The following ADORA2B variants were observed in gnomAD, a reference collection of about 807,000 sequenced individuals.
ADORA2B encodes the protein adenosine A2b receptor.
Under a neutral mutation model 20.8 loss-of-function variants are expected in ADORA2B, and 18 were observed. The observed-to-expected ratio is 0.87, with a 90% CI of 0.60 to 1.29. The LOEUF (loss-of-function observed/expected upper bound fraction) is 1.29, where lower values mean the gene tolerates loss of function less well. Among genes scored for constraint, ADORA2B ranks in the 50% most tolerant of loss-of-function variants. ADORA2B has a pLI of 0.00. For synonymous variants in ADORA2B, 179 were observed against 178.3 expected, an observed-to-expected ratio of 1.00 and a Z score of -0.03; for missense variants, 441 against 422.7, an observed-to-expected ratio of 1.04 and a Z score of -0.38.
chr17:15,873,089 G>A, the ADORA2B span, among the ~76,000 whole-genome samples: 1 of 152,262 alleles, frequency 6.6e-6, no homozygotes, highest in Non-Finnish European at 1.5e-5. Flanking sequence ...TTTATGCCTA[G>A]TTGTTAAGAG....
the ADORA2B span, among the ~76,000 whole-genome samples, chr17:15,891,663 G>A: frequency 2.0e-5 from 3 of 151,892 alleles, no homozygotes; most frequent in African/African-American, 7.3e-5. Flanking sequence ...GTTCCTGCAA[G>A]AATGAATGTA....
At chr17:15,855,397 G>A in the ADORA2B span, among the ~76,000 whole-genome samples, 620 of 152,096 alleles carry the variant, frequency 4.1e-3, 7 homozygotes, top group African/African-American at 0.014. Flanking sequence ...GGCCTCTTGT[G>A]TAACACTTCC....
At position 15,975,011 on chromosome 17, in the gene ADORA2B, G is replaced by A; in HGVS notation, c.668G>A (p.Arg223Lys). 2.5e-6 allele frequency: 4 copies of A among 1,614,168 alleles called. No homozygotes were observed. Among genetic ancestry groups the A allele is most frequent in the Non-Finnish European group, 3.4e-6 (4 of 1,180,034 alleles). The change falls in exon 2 of 2, where the codon AGG becomes AAG. Residue 223 changes from arginine (R) to lysine (K), a missense_variant. Arg to Lys is a conservative substitution (Grantham distance 26, BLOSUM62 2). Transcript: ENST00000304222. ...CGCACTGAGCTGATGGACCACTCGA[G>A]GACCACCCTCCAGCGGGAGATCCAT... The part of the protein sequence containing the change: ...LQRTELMDHS[R>K]TTLQREIHAA...
At chr17:15,905,243 C>A in the ADORA2B span, among the ~76,000 whole-genome samples, 1 of 149,234 alleles carries the variant, frequency 6.7e-6, no homozygotes, top group African/African-American at 2.5e-5. Context: ...AGATCCTGCA[C>A]ATATTTTGTT....
the ADORA2B span, among the ~76,000 whole-genome samples, chr17:15,862,189 T>TC: frequency 2.3e-4 from 35 of 150,036 alleles, no homozygotes; most frequent in South Asian, 4.6e-3. Context: ...CTTTTTTTTT[T>TC]CTTTTTCTTT....
intron 1 of ADORA2B, among the ~76,000 whole-genome samples, chr17:15,959,649 C>T (rs1303104674): frequency 3.3e-5 from 5 of 152,050 alleles, no homozygotes; most frequent in Admixed American, 3.3e-4. Flanking sequence ...TATAGGCGCA[C>T]GCCACCATGC....
chr17:15,914,859 GA>G, the ADORA2B span, among the ~76,000 whole-genome samples: 2 of 152,322 alleles, frequency 1.3e-5, no homozygotes, highest in African/African-American at 4.8e-5. Context: ...CTTGTGCACT[GA>G]CTTTAGATCC....
intron 1 of ADORA2B, among the ~76,000 whole-genome samples, chr17:15,949,342 G>A (rs918429838): frequency 7.9e-5 from 12 of 151,404 alleles, no homozygotes; most frequent in East Asian, 7.7e-4. Context: ...GCGAAATCCC[G>A]TCTCTACTAA....
At chr17:15,863,847 C>G in the ADORA2B span, among the ~76,000 whole-genome samples, 1 of 152,202 alleles carries the variant, frequency 6.6e-6, no homozygotes, top group African/African-American at 2.4e-5. Context: ...TCTCCCCAGA[C>G]TCATGACAGT....
At chr17:15,883,364 A>G in the ADORA2B span, among the ~76,000 whole-genome samples, 1 of 152,212 alleles carries the variant, frequency 6.6e-6, no homozygotes, top group South Asian at 2.1e-4. Context: ...AAAACTGTGT[A>G]TTAACTTATG....
chr17:15,911,157 A>G, the ADORA2B span, among the ~76,000 whole-genome samples: 1 of 152,190 alleles, frequency 6.6e-6, no homozygotes, highest in African/African-American at 2.4e-5. Flanking sequence ...TGGTCATTAT[A>G]TCACCCGCGC....
the ADORA2B span, chr17:15,860,909 A>T: frequency 6.4e-6 from 1 of 157,416 alleles, no homozygotes; most frequent in African/African-American, 2.4e-5. Flanking sequence ...GCAGACCCCC[A>T]CTCTCTGGAC....
the ADORA2B span, among the ~76,000 whole-genome samples, chr17:15,936,783 C>T: frequency 6.6e-6 from 1 of 152,134 alleles, no homozygotes; most frequent in Non-Finnish European, 1.5e-5. Context: ...AAATGAGACC[C>T]CATCTCTACA....
At chr17:15,925,130 G>A in the ADORA2B span, among the ~76,000 whole-genome samples, 1 of 152,064 alleles carries the variant, frequency 6.6e-6, no homozygotes, top group South Asian at 2.1e-4. Context: ...CCACCTCCCG[G>A]GTTCAGGTGA....
chr17:15,906,402 T>C, the ADORA2B span, among the ~76,000 whole-genome samples: 1 of 152,380 alleles, frequency 6.6e-6, no homozygotes, highest in African/African-American at 2.4e-5. Flanking sequence ...ATTAATATGA[T>C]GAATTACATT....
At chr17:15,882,807 G>A in the ADORA2B span, among the ~76,000 whole-genome samples, 10 of 152,144 alleles carry the variant, frequency 6.6e-5, no homozygotes, top group South Asian at 2.1e-4. Context: ...TTTCTTTGTC[G>A]TCTTTCCTCC....
intron 1 of ADORA2B, among the ~76,000 whole-genome samples, chr17:15,951,056 G>A (rs1395334931): frequency 6.6e-6 from 1 of 152,204 alleles, no homozygotes; most frequent in African/African-American, 2.4e-5. Context: ...GGGTGAAAAG[G>A]GCACATGTCA....
the ADORA2B span, among the ~76,000 whole-genome samples, chr17:15,929,298 G>A: frequency 1.3e-5 from 2 of 152,180 alleles, no homozygotes; most frequent in Non-Finnish European, 2.9e-5. Context: ...AATATGAAGT[G>A]GAATCCAGAC....
rs113388424 is a variant in ADORA2B, at chr17:15,972,237, G to A, written c.336-2442G>A. 5.2e-3 allele frequency among the ~76,000 whole-genome samples: 795 copies of A among 152,326 alleles called. 9 individuals carry two copies. Among genetic ancestry groups the A allele is most frequent in the African/African-American group, 0.018 (749 of 41,564 alleles). On this transcript the variant is annotated intron_variant, in intron 1 of 1. Transcript: ENST00000304222. ...TGGTTAAGAATGGCAGGCACTGGAC[G>A]TGTGGAGCCGAGGCTGGGGGGTTCT...
Sources: allele counts gnomAD v4.1 joint callset (sites outside exome capture counted in the v4.1 genomes callset), GRCh38; gene constraint gnomAD v4.1.1; transcripts MANE v1.5; gene names NCBI Gene and HGNC (gene_info 2026-07-23, HGNC 2026-07-21).